The following GPC5 variants were observed in gnomAD, a reference collection of about 807,000 sequenced individuals.
GPC5 encodes the protein glypican-5.
In GPC5, 47 loss-of-function variants were observed where a neutral mutation model predicts 53.9. That is an observed-to-expected ratio of 0.87 (90% confidence interval 0.69 to 1.11). The LOEUF (loss-of-function observed/expected upper bound fraction) is 1.11, where lower values mean the gene tolerates loss of function less well. Ranked by LOEUF, GPC5 falls within the 50% of genes most tolerant of loss-of-function variation. The probability of loss-of-function intolerance (pLI) is 0.00; values close to 1 mark genes in which losing one functional copy is unlikely to be tolerated. For synonymous variants in GPC5, 286 were observed against 263.3 expected (o/e 1.09, Z -0.84); for missense variants, 748 against 713.1 (o/e 1.05, Z -0.56).
At chr13:91,797,296 G>A (rs2038061632) in intron 5 of GPC5, among the ~76,000 whole-genome samples, 1 of 152,064 alleles carries the variant, frequency 6.6e-6, no homozygotes. Flanking sequence ...CAAATACCGT[G>A]TTAAAGTTTA....
At chr13:92,813,904 T>A (rs1566429674) in intron 7 of GPC5, among the ~76,000 whole-genome samples, 3 of 151,962 alleles carry the variant, frequency 2.0e-5, no homozygotes, top group Non-Finnish European at 1.5e-5. Flanking sequence ...CTAAAATTAA[T>A]AAAGAAATGC....
At chr13:92,854,521 A>G (rs1366220750) in intron 7 of GPC5, among the ~76,000 whole-genome samples, 1 of 151,870 alleles carries the variant, frequency 6.6e-6, no homozygotes, top group Non-Finnish European at 1.5e-5. Context: ...TTACTATTAA[A>G]ACCCAGACTG....
At chr13:92,388,056 C>T (rs546200985) in intron 7 of GPC5, among the ~76,000 whole-genome samples, 1 of 151,972 alleles carries the variant, frequency 6.6e-6, no homozygotes, top group South Asian at 2.1e-4. Flanking sequence ...TAAAATTAAC[C>T]TTATTTATAC....
chr13:92,258,702 C>T (rs372495214), intron 7 of GPC5, among the ~76,000 whole-genome samples: 2 of 152,180 alleles, frequency 1.3e-5, no homozygotes, highest in African/African-American at 4.8e-5. Flanking sequence ...CCTAAATACA[C>T]ATACACACAG....
chr13:91,821,395 T>C (rs527575019), intron 5 of GPC5, among the ~76,000 whole-genome samples: 17 of 152,204 alleles, frequency 1.1e-4, no homozygotes, highest in Non-Finnish European at 2.5e-4. Flanking sequence ...TATTGTATTG[T>C]CTAGGAAAAA....
At chr13:92,097,391 G>T (rs1275517000) in intron 6 of GPC5, among the ~76,000 whole-genome samples, 1 of 152,142 alleles carries the variant, frequency 6.6e-6, no homozygotes. Flanking sequence ...TATTGCAAAA[G>T]ACATTGAAAT....
At chr13:91,607,346 A>G (rs1357047356) in intron 2 of GPC5, among the ~76,000 whole-genome samples, 1 of 152,160 alleles carries the variant, frequency 6.6e-6, no homozygotes, top group East Asian at 1.9e-4. Flanking sequence ...GGAATTTGAT[A>G]AAATTATTTT....
At chr13:92,844,271 G>A (rs1012093965) in intron 7 of GPC5, among the ~76,000 whole-genome samples, 5 of 152,022 alleles carry the variant, frequency 3.3e-5, no homozygotes, top group African/African-American at 1.2e-4. Flanking sequence ...CTCAGTCATA[G>A]GGAAATGAAT....
intron 6 of GPC5, among the ~76,000 whole-genome samples, chr13:91,974,238 T>C (rs2040274413): frequency 6.6e-6 from 1 of 152,178 alleles, no homozygotes; most frequent in South Asian, 2.1e-4. Context: ...TCACCGCTCC[T>C]ATTCAACATA....
At chr13:92,558,668 C>T (rs1882586713) in intron 7 of GPC5, among the ~76,000 whole-genome samples, 1 of 151,906 alleles carries the variant, frequency 6.6e-6, no homozygotes, top group African/African-American at 2.4e-5. Flanking sequence ...ACAGGTGATT[C>T]TTCTGTACAC....
intron 5 of GPC5, among the ~76,000 whole-genome samples, chr13:91,799,922 A>T (rs1376891588): frequency 6.6e-6 from 1 of 152,096 alleles, no homozygotes; most frequent in Non-Finnish European, 1.5e-5. Flanking sequence ...TGGTTCAAAG[A>T]ACTATGGGAA....
At chr13:91,900,358 A>G (rs1249241344) in intron 5 of GPC5, among the ~76,000 whole-genome samples, 1 of 152,154 alleles carries the variant, frequency 6.6e-6, no homozygotes, top group East Asian at 1.9e-4. Flanking sequence ...CAGTGAAGTG[A>G]GACAGCAAAT....
At chr13:92,161,398 T>A (rs1347477913) in intron 7 of GPC5, among the ~76,000 whole-genome samples, 3 of 152,214 alleles carry the variant, frequency 2.0e-5, no homozygotes, top group Non-Finnish European at 4.4e-5. Context: ...AGTGCAAGAA[T>A]GCCTGCATGT....
intron 7 of GPC5, among the ~76,000 whole-genome samples, chr13:92,348,937 A>G (rs2043451250): frequency 6.6e-6 from 1 of 152,136 alleles, no homozygotes; most frequent in Non-Finnish European, 1.5e-5. Context: ...TCTAAGAGGA[A>G]CGTTTATAAC....
intron 7 of GPC5, among the ~76,000 whole-genome samples, chr13:92,722,287 A>G (rs1888527977): frequency 6.6e-6 from 1 of 152,028 alleles, no homozygotes; most frequent in South Asian, 2.1e-4. Context: ...AGGTGCAACT[A>G]GCCTTCATAG....
chr13:91,785,588 A>T (rs1439335775), intron 5 of GPC5, among the ~76,000 whole-genome samples: 1 of 152,228 alleles, frequency 6.6e-6, no homozygotes, highest in Non-Finnish European at 1.5e-5. Context: ...ATTCAGCTCA[A>T]TGGCTATAAA....
intron 5 of GPC5, among the ~76,000 whole-genome samples, chr13:91,870,270 G>T (rs575971754): frequency 6.6e-6 from 1 of 152,254 alleles, no homozygotes; most frequent in East Asian, 1.9e-4. Flanking sequence ...ACAAGAGAAT[G>T]GTTTGTTAGA....
At chr13:91,903,066 A>T (rs1368858221) in intron 5 of GPC5, among the ~76,000 whole-genome samples, 1 of 151,182 alleles carries the variant, frequency 6.6e-6, no homozygotes, top group Non-Finnish European at 1.5e-5. Context: ...ACTTCTGTGT[A>T]TCCAATACTA....
At chr13:92,344,723 C>T (rs1443653001) in intron 7 of GPC5, among the ~76,000 whole-genome samples, 2 of 152,092 alleles carry the variant, frequency 1.3e-5, no homozygotes, top group Non-Finnish European at 2.9e-5. Context: ...CCTGCCAGCA[C>T]CAGAGGAGAA....
Sources: gnomAD v4.1 joint callset for allele counts (sites outside exome capture counted in the v4.1 genomes callset) on GRCh38, gnomAD v4.1.1 for gene constraint, MANE v1.5 for transcripts, NCBI Gene and HGNC (gene_info 2026-07-23, HGNC 2026-07-21) for gene names.